Variants in UBN2 observed in about 807,000 individuals in gnomAD.
The protein encoded by UBN2 is ubinuclein 2.
Under a neutral mutation model 120.2 loss-of-function variants are expected in UBN2, and 35 were observed. The observed-to-expected ratio is 0.29, with a 90% confidence interval of 0.22 to 0.39. The LOEUF is 0.39. UBN2 is among the 10% of genes least tolerant of loss of function. The pLI is 1.00. For synonymous variants in UBN2, 661 were observed against 648.7 expected (o/e 1.02, Z -0.29); for missense variants, 1,693 against 1,663.2 (o/e 1.02, Z -0.31).
chr7:139,265,895 G>A (rs553554007), intron 6 of UBN2, among the ~76,000 whole-genome samples: 1 of 152,226 alleles, frequency 6.6e-6, no homozygotes, highest in South Asian at 2.1e-4. Flanking sequence ...TTGGACTTTG[G>A]ACTGAGGAAG....
Position 139,293,253 on chromosome 7 carries a change from T to G in UBN2, c.3691T>G (p.Leu1231Val). Residue 1231 changes from leucine (L) to valine (V), a missense_variant, in exon 16 of 18, where the codon TTG (leucine) becomes GTG (valine). Physicochemically the swap from Leu to Val is conservative, Grantham distance 32. This residue lies in a region of UBN2 where 837 missense variants were observed against 817.6 expected (regional missense o/e 1.02). Coordinates refer to ENST00000473989, the MANE Select transcript of UBN2 (RefSeq NM_173569.4). Reference sequence around the variant, plus strand: ...ACAGTCCACAGCAGGAGCATCATTATTGGCTAATGCCTCACCTCTGACTCT... The same window carrying G: ...ACAGTCCACAGCAGGAGCATCATTAGTGGCTAATGCCTCACCTCTGACTCT... The part of the protein sequence containing the change: ...SVQSTAGASL[L>V]ANASPLTLMT... 1 of 1,614,238 alleles carries G rather than the reference T, an allele frequency of 6.2e-7. No individual in the cohort carries two copies. The highest frequency in any genetic ancestry group is 8.5e-7 in the Non-Finnish European group (1 of 1,180,020).
intron 7 of UBN2, among the ~76,000 whole-genome samples, chr7:139,268,781 AT>A (rs1376949844): frequency 6.6e-6 from 1 of 152,198 alleles, no homozygotes; most frequent in Admixed American, 6.5e-5. Context: ...TTAATTACAA[AT>A]TTATTGTGCT....
chr7:139,273,706 G>A (rs1797357854), intron 10 of UBN2, among the ~76,000 whole-genome samples: 1 of 152,092 alleles, frequency 6.6e-6, no homozygotes, highest in Non-Finnish European at 1.5e-5. Context: ...TTTCTCAATA[G>A]TATTTCTATA....
At chr7:139,315,552 T>G in the UBN2 span, among the ~76,000 whole-genome samples, 2 of 152,232 alleles carry the variant, frequency 1.3e-5, no homozygotes, top group African/African-American at 4.8e-5. Flanking sequence ...GATAGACACT[T>G]GGACTGTTTC....
the UBN2 span, among the ~76,000 whole-genome samples, chr7:139,317,956 C>A: frequency 6.6e-6 from 1 of 152,184 alleles, no homozygotes; most frequent in South Asian, 2.1e-4. Flanking sequence ...AGCCACCGCA[C>A]GCAGCCCAAC....
intron 11 of UBN2, among the ~76,000 whole-genome samples, chr7:139,275,452 G>A (rs1466794938): frequency 1.3e-5 from 2 of 151,140 alleles, no homozygotes; most frequent in East Asian, 1.9e-4. Context: ...GCATGGTGGC[G>A]GGCACCTGTA....
rs1485736426 is a variant in UBN2, at chr7:139,283,108, G to T, written c.2203G>T (p.Ala735Ser). The T allele has an allele frequency of 2.5e-6, 4 of 1,612,940 alleles. No individual in the cohort carries two copies. Among genetic ancestry groups the T allele is most frequent in the Non-Finnish European group, 3.4e-6 (4 of 1,179,888 alleles). Residue 735 changes from alanine (A) to serine (S), a missense_variant, in exon 15 of 18, where the codon GCC (alanine) becomes TCC (serine). This residue lies in a region of UBN2 where 837 missense variants were observed against 817.6 expected (regional missense o/e 1.02). Coordinates refer to ENST00000473989, the MANE Select transcript of UBN2 (RefSeq NM_173569.4). ...TCCTCCAACGAGCTCCAGCACAGCT[G>T]CCATTGCTGCAGCTAGCTCTAGCTC... ...SGPPTSSSTA[A>S]IAAASSSSAP...
chr7:139,276,537 G>A (rs1797446948), intron 12 of UBN2: 3 of 198,000 alleles, frequency 1.5e-5, no homozygotes, highest in South Asian at 1.9e-4. Context: ...TCGCTGCACT[G>A]CAGAGTGTTT....
chr7:139,310,586 C>T (rs951093743), downstream of UBN2, among the ~76,000 whole-genome samples: 1 of 152,154 alleles, frequency 6.6e-6, no homozygotes, highest in African/African-American at 2.4e-5. Context: ...ACCTGGCCAA[C>T]ATGGTGAAAC....
chr7:139,252,812 A>G (rs1796656989), intron 3 of UBN2, among the ~76,000 whole-genome samples: 1 of 152,230 alleles, frequency 6.6e-6, no homozygotes, highest in Admixed American at 6.5e-5. Flanking sequence ...AGGAAAATCA[A>G]ATGCTGAAAA....
intron 15 of UBN2, among the ~76,000 whole-genome samples, chr7:139,291,783 G>A (rs566391404): frequency 9.2e-5 from 14 of 152,142 alleles, no homozygotes; most frequent in African/African-American, 2.7e-4. Flanking sequence ...GAGCCCAGGA[G>A]TTTGAGTCTG....
chr7:139,290,765 G>A (rs2131058204), intron 15 of UBN2, among the ~76,000 whole-genome samples: 1 of 152,208 alleles, frequency 6.6e-6, no homozygotes, highest in South Asian at 2.1e-4. Flanking sequence ...GGGGAGGGAG[G>A]CAGTTAAAGA....
chr7:139,275,854 A>G (rs1797427954), intron 11 of UBN2, among the ~76,000 whole-genome samples: 2 of 152,146 alleles, frequency 1.3e-5, no homozygotes, highest in Admixed American at 6.5e-5. Context: ...ACACACCTGT[A>G]ATTCCAGCTT....
intron 17 of UBN2, among the ~76,000 whole-genome samples, chr7:139,295,054 T>G (rs185359071): frequency 4.9e-4 from 74 of 152,056 alleles, no homozygotes; most frequent in African/African-American, 1.8e-3. Flanking sequence ...ACTGCTTAGC[T>G]GCCCTCTTAA....
At position 139,301,607 on chromosome 7, in the gene UBN2, CTT is replaced by C. The variant is rs1798258140; in HGVS notation, c.*3773_*3774del. On this transcript the variant is annotated 3_prime_UTR_variant, in exon 18 of 18. Transcript: ENST00000473989. ...TTGACTCATGTATAGAATTAGGATA[CTT>C]TATTTTAGGAGTGTACCGTAAAAGC... 6.6e-6 allele frequency: 1 copy of C among 151,900 alleles called. No homozygotes were observed. Among genetic ancestry groups the C allele is most frequent in the Admixed American group, 6.6e-5 (1 of 15,242 alleles). The allele number at this position is 151,900 out of a possible 1,614,324, so 9.4% of individuals were successfully genotyped here.
intron 15 of UBN2, among the ~76,000 whole-genome samples, chr7:139,284,967 G>A (rs1468848339): frequency 2.0e-5 from 3 of 151,960 alleles, no homozygotes; most frequent in Non-Finnish European, 2.9e-5. Flanking sequence ...ACGAACATTC[G>A]CTTAGCTCTT....
chr7:139,293,771 T>C, intron 16 of UBN2, 118 bp from the exon 17 acceptor site: 1 of 912,960 alleles, frequency 1.1e-6, no homozygotes, highest in Non-Finnish European at 1.7e-6. Context: ...TGCTCTAGTT[T>C]TAGAAGGCCT....
intron 9 of UBN2, among the ~76,000 whole-genome samples, chr7:139,272,888 A>G (rs1262271477): frequency 6.6e-6 from 1 of 152,220 alleles, no homozygotes; most frequent in Non-Finnish European, 1.5e-5. Context: ...TCAAGTAGAA[A>G]TCCACATATA....
chr7:139,235,388 TTTTTA>T (rs1200764000), intron 1 of UBN2, among the ~76,000 whole-genome samples: 7 of 152,248 alleles, frequency 4.6e-5, no homozygotes, highest in Non-Finnish European at 1.0e-4. Context: ...TAAATTTTTA[TTTTTA>T]TTTTATTTAT....
Sources: allele counts gnomAD v4.1 joint callset (sites outside exome capture counted in the v4.1 genomes callset), GRCh38; gene constraint gnomAD v4.1.1; regional missense constraint gnomAD v4.1.1; transcripts MANE v1.5; gene names NCBI Gene and HGNC (gene_info 2026-07-23, HGNC 2026-07-21).